Variants in TPCN1 observed in about 807,000 individuals in gnomAD.
TPCN1 encodes two pore channel protein 1.
A neutral mutation model predicts 108.8 loss-of-function variants in TPCN1; 52 were observed. The ratio of observed to expected loss-of-function variants is 0.48; its 90% CI spans 0.38 to 0.60. TPCN1 has a LOEUF of 0.60. TPCN1 is among the 20% of genes least tolerant of loss of function. The pLI is 0.00. For missense variants in TPCN1, 806 were observed against 1,072.8 expected (o/e 0.75, Z 3.47); for synonymous variants, 446 against 433.7 (o/e 1.03, Z -0.35).
Position 113,292,986 on chromosome 12 carries a change from C to T in TPCN1, c.2166C>T (p.Ala722=), listed in dbSNP as rs776337178. ...AAATCTCCAAAGAAGAGCTGGTTGC[C>T]GTCCTGGAGCTCTACCGGGAGGCAC... ...EKEISKEELV[A]VLELYREARG... Residue 722 remains alanine, a synonymous_variant, in exon 26 of 28, where the codon GCC becomes GCT. Coordinates refer to ENST00000335509, the MANE Select transcript of TPCN1 (RefSeq NM_017901.6). 3.7e-6 allele frequency: 6 copies of T among 1,613,354 alleles called. No homozygotes were observed. The highest frequency in any genetic ancestry group is 2.7e-5 in the African/African-American group (2 of 75,040).
rs1231021928 is a variant in TPCN1, at chr12:113,268,995, C to G, written c.659+123C>G. 5 of 1,085,664 alleles carry G rather than the reference C, an allele frequency of 4.6e-6. No individual in the cohort carries two copies. The African/African-American group carries it at 7.7e-5, about 17-fold the overall frequency. The allele number at this position is 1,085,664 out of a possible 1,614,324, so 67.3% of individuals were successfully genotyped here. On this transcript the variant is annotated intron_variant, in intron 6 of 27. Transcript: ENST00000335509. The surrounding 1 kb of genome is among the most constrained non-coding windows in gnomAD (Gnocchi z 7.3). ...CGACCCTGCATGCTGGTGGAGTACA[C>G]GCAGACTCACTCTCCCTCTGCCATT...
intron 15 of TPCN1, among the ~76,000 whole-genome samples, chr12:113,282,176 C>T (rs544974986): frequency 8.1e-5 from 12 of 148,382 alleles, no homozygotes; most frequent in Non-Finnish European, 1.5e-4. Flanking sequence ...CTGCAAGCTC[C>T]GCCTCCCGGG....
chr12:113,242,184 T>G (rs1025401103), intron 2 of TPCN1, among the ~76,000 whole-genome samples: 1 of 152,238 alleles, frequency 6.6e-6, no homozygotes, highest in Non-Finnish European at 1.5e-5. Flanking sequence ...ACGGCTGTGC[T>G]GGGAAAAGGA....
At position 113,241,876 on chromosome 12, in the gene TPCN1, G is replaced by A. The variant is rs1423858483; in HGVS notation, c.112+14912G>A. Among the ~76,000 whole-genome samples the A allele has an allele frequency of 3.9e-5, 6 of 151,938 alleles. No individual in the cohort carries two copies. In the East Asian group the frequency reaches 9.6e-4, roughly 24 times the overall value. ...CGTCTAAAACACTTTACACATGACG[G>A]GTACTCAATAAATACTTTGTGAGTG... On this transcript the variant is annotated intron_variant, in intron 2 of 27. Transcript: ENST00000335509.
At position 113,290,953 on chromosome 12, in the gene TPCN1, G is replaced by A. The variant is rs147685764; in HGVS notation, c.1914G>A (p.Val638=). The A allele has an allele frequency of 2.6e-4, 417 of 1,613,814 alleles. 1 individual carries two copies. In the African/African-American group the frequency reaches 5.1e-3, roughly 20 times the overall value. The change falls in exon 23 of 28, where the codon GTG becomes GTA. Residue 638 remains valine (V), a splice_region_variant and synonymous_variant. Transcript: ENST00000335509. ...CTTCTTTCTCTCTTCCCTCGGCAGT[G>A]ACCCTGTTTGAGCTCACAGTTGTCA... is the stretch of plus-strand genomic sequence containing the variant. ...NNFDNILNSF[V]TLFELTVVNN...
At chr12:113,241,758 C>CTGTGTGTG (rs1276832505) in intron 2 of TPCN1, among the ~76,000 whole-genome samples, 22 of 119,616 alleles carry the variant, frequency 1.8e-4, no homozygotes, top group African/African-American at 6.5e-4. Flanking sequence ...TTGCGTGCCT[C>CTGTGTGTG]TGCGTGTGTG....
chr12:113,232,058 GA>G lies in TPCN1; in HGVS notation c.112+5095del, dbSNP rs1953705349. Reference sequence around the variant, plus strand: ...GCCAGCTGCTGCCTAAGATGGGCTGGACCATGTGCCTTTTCTGAGTGAAGGA... The same window carrying G: ...GCCAGCTGCTGCCTAAGATGGGCTGGCCATGTGCCTTTTCTGAGTGAAGGA... On this transcript the variant is annotated intron_variant, in intron 2 of 27. Transcript: ENST00000335509. This position sits in a 1 kb window ranked among gnomAD's most constrained non-coding sequence, Gnocchi z 5.6. Among the ~76,000 whole-genome samples the G allele has an allele frequency of 6.6e-6, 1 of 152,202 alleles. No homozygotes were observed. Among genetic ancestry groups the G allele is most frequent in the Non-Finnish European group, 1.5e-5 (1 of 68,030 alleles).
chr12:113,224,717 T>G (rs1422390099), intron 1 of TPCN1, among the ~76,000 whole-genome samples: 1 of 151,586 alleles, frequency 6.6e-6, no homozygotes, highest in Non-Finnish European at 1.5e-5. Flanking sequence ...ATTATTTTAA[T>G]GGTTGTATTT....
intron 2 of TPCN1, among the ~76,000 whole-genome samples, chr12:113,238,383 G>T (rs1953974587): frequency 6.6e-6 from 1 of 152,046 alleles, no homozygotes; most frequent in Non-Finnish European, 1.5e-5. Flanking sequence ...AGCAGCATTT[G>T]GAAGACTTGC....
At chr12:113,263,413 G>T (rs60274491) in intron 3 of TPCN1, among the ~76,000 whole-genome samples, 5 of 152,076 alleles carry the variant, frequency 3.3e-5, no homozygotes, top group African/African-American at 1.2e-4. Context: ...GGCACCTGCC[G>T]CCACACCAGG....
At chr12:113,237,751 C>T (rs1953952794) in intron 2 of TPCN1, among the ~76,000 whole-genome samples, 1 of 152,196 alleles carries the variant, frequency 6.6e-6, no homozygotes, top group African/African-American at 2.4e-5. Flanking sequence ...GGGTCTGGCC[C>T]AGGAGGGTGC....
chr12:113,236,042 A>G (rs1166967152), intron 2 of TPCN1, among the ~76,000 whole-genome samples: 1 of 152,198 alleles, frequency 6.6e-6, no homozygotes, highest in African/African-American at 2.4e-5. Flanking sequence ...CTAGAGCCAT[A>G]CTGAAGAGGA....
rs748632269 is a variant in TPCN1, at chr12:113,284,627, T to C, written c.1389T>C (p.Phe463=). The change falls in exon 16 of 28, where the codon TTT becomes TTC. Residue 463 remains phenylalanine, a synonymous_variant. Transcript: ENST00000335509. The surrounding 1 kb of genome is among the most constrained non-coding windows in gnomAD (Gnocchi z 4.1). ...GGGTCTGGATCCTCGTGGAGACATT[T>C]ATGCTGAAAGGTGAGCCCCGCTCAG... The part of the protein sequence containing the change: ...VNGVWILVET[F]MLKGGNFFSK... 3.1e-6 allele frequency: 5 copies of C among 1,614,200 alleles called. No individual in the cohort carries two copies. The highest frequency in any genetic ancestry group is 3.4e-6 in the Non-Finnish European group (4 of 1,180,046).
At chr12:113,247,773 A>G (rs573331420) in intron 2 of TPCN1, among the ~76,000 whole-genome samples, 76 of 152,324 alleles carry the variant, frequency 5.0e-4, no homozygotes, top group African/African-American at 1.8e-3. Context: ...GCCCTTTGCG[A>G]TCACCTGTGG....
intron 1 of TPCN1, among the ~76,000 whole-genome samples, chr12:113,224,153 T>C (rs1354993504): frequency 6.6e-6 from 1 of 152,168 alleles, no homozygotes; most frequent in Non-Finnish European, 1.5e-5. Context: ...TATAGTGTAA[T>C]GGCTGGGAAT....
rs116491977 is a variant in TPCN1, at chr12:113,226,639, C to T, written c.-125-89C>T. 4.0e-3 allele frequency: 4,324 copies of T among 1,092,170 alleles called. 97 individuals are homozygous for T. In the African/African-American group the frequency reaches 0.057, roughly 14 times the overall value. 67.7% of individuals were successfully genotyped at this position (1,092,170 alleles called of 1,614,324 possible). A position where few individuals can be genotyped will look rare whatever the true frequency, so the allele number is the denominator to read the frequency against. ...GTTTTTATTCACGAGGTTGTGCAACCATCACCACTATCTAATTTCAGAATA... is the reference window on the plus strand; with the variant it reads ...GTTTTTATTCACGAGGTTGTGCAACTATCACCACTATCTAATTTCAGAATA... On this transcript the variant is annotated intron_variant, in intron 1 of 27. Coordinates refer to ENST00000335509, the MANE Select transcript of TPCN1 (RefSeq NM_017901.6).
intron 2 of TPCN1, among the ~76,000 whole-genome samples, chr12:113,236,910 C>T (rs771415524): frequency 6.6e-6 from 1 of 152,194 alleles, no homozygotes; most frequent in South Asian, 2.1e-4. Flanking sequence ...TAGCACAGTG[C>T]CTGGCTTATA....
intron 2 of TPCN1, chr12:113,244,784 T>G: frequency 1.0e-6 from 1 of 982,856 alleles, no homozygotes; most frequent in Non-Finnish European, 1.2e-6. Flanking sequence ...GGGAGCACGG[T>G]TGGCACTGGT....
At chr12:113,244,493 A>G (rs1384119012) in intron 2 of TPCN1, 1 of 985,370 alleles carries the variant, frequency 1.0e-6, no homozygotes. Context: ...GGGGATGTGC[A>G]TTTTGCTTTC....
Sources: allele counts gnomAD v4.1 joint callset (sites outside exome capture counted in the v4.1 genomes callset), GRCh38; gene constraint gnomAD v4.1.1; non-coding constraint Gnocchi (gnomAD v3.1); transcripts MANE v1.5; gene names NCBI Gene and HGNC (gene_info 2026-07-23, HGNC 2026-07-21).